B3GALNT1: variants seen among roughly 807,000 people sequenced by gnomAD.
B3GALNT1 encodes UDP-GalNAc:beta-1,3-N-acetylgalactosaminyltransferase 1.
In B3GALNT1, 17 loss-of-function variants were observed where a neutral mutation model predicts 27.3. The observed-to-expected ratio is 0.62, with a 90% confidence interval of 0.43 to 0.94. The LOEUF is 0.94. Ranked by LOEUF, B3GALNT1 falls within the 40% of genes least tolerant of loss-of-function variation. The pLI, the probability that B3GALNT1 is intolerant of heterozygous loss-of-function variation, is 0.00. For synonymous variants in B3GALNT1, 141 were observed against 144.0 expected, an observed-to-expected ratio of 0.98 and a Z score of 0.15; for missense variants, 347 against 390.0, an observed-to-expected ratio of 0.89 and a Z score of 0.93.
chr3:161,086,957 A>G (rs1722381980), intron 4 of B3GALNT1, among the ~76,000 whole-genome samples, 169 bp from the exon 5 acceptor site: 1 of 152,202 alleles, frequency 6.6e-6, no homozygotes, highest in South Asian at 2.1e-4. Flanking sequence ...ATAGAAACCA[A>G]TAACCAAAAA....
intron 4 of B3GALNT1, among the ~76,000 whole-genome samples, chr3:161,098,003 A>G (rs1483503863): frequency 6.6e-6 from 1 of 152,194 alleles, no homozygotes; most frequent in Non-Finnish European, 1.5e-5. Flanking sequence ...CTGTCAGGGT[A>G]AATAGGCTCA....
rs1273135029 is a variant in B3GALNT1 at position 161,085,879 on chromosome 3, T to C, written c.876A>G (p.Leu292=). Residue 292 remains leucine, a synonymous_variant, in exon 5 of 5, where the codon CTA becomes CTG. Coordinates refer to ENST00000320474, the MANE Select transcript of B3GALNT1 (RefSeq NM_003781.4). ...HIPEDTNLFF[L]YRIHLDVCQL... ...GACAGACATCCAAATGGATTCTATATAGAAAGAAAAGATTTGTGTCTTCTG... is the reference window on the plus strand; with the variant it reads ...GACAGACATCCAAATGGATTCTATACAGAAAGAAAAGATTTGTGTCTTCTG... The C allele has an allele frequency of 2.5e-6, 4 of 1,613,690 alleles. No individual in the cohort carries two copies. The highest frequency in any genetic ancestry group is 2.7e-5 in the African/African-American group (2 of 74,898).
intron 4 of B3GALNT1, among the ~76,000 whole-genome samples, chr3:161,097,077 C>T (rs972089425): frequency 6.6e-6 from 1 of 152,206 alleles, no homozygotes; most frequent in East Asian, 1.9e-4. Context: ...CAGGCCCCAC[C>T]CTAGACCTAG....
At chr3:161,089,006 C>A (rs576413001) in intron 4 of B3GALNT1, among the ~76,000 whole-genome samples, 1 of 152,180 alleles carries the variant, frequency 6.6e-6, no homozygotes, top group South Asian at 2.1e-4. Flanking sequence ...ACTATCTAGT[C>A]CAAAAGCAAG....
At chr3:161,097,372 A>C (rs1728758691) in intron 4 of B3GALNT1, among the ~76,000 whole-genome samples, 1 of 152,168 alleles carries the variant, frequency 6.6e-6, no homozygotes, top group African/African-American at 2.4e-5. Context: ...ATTTGTCTAC[A>C]TTTCCTTTAC....
Position 161,092,498 on chromosome 3 carries a change from G to A in B3GALNT1, c.-34-5710C>T, listed in dbSNP as rs1051830342. On this transcript the variant is annotated intron_variant, in intron 4 of 4. Transcript: ENST00000320474. ...ACACCTATCAGCAGGAAGAATGAAA[G>A]GAACATGTGGTTAAAGGGGGAAAAA... 4.6e-5 allele frequency among the ~76,000 whole-genome samples: 7 copies of A among 151,942 alleles called. No individual in the cohort carries two copies. In the East Asian group the frequency reaches 1.2e-3, roughly 25 times the overall value.
chr3:161,087,146 T>A (rs1184583608), intron 4 of B3GALNT1, among the ~76,000 whole-genome samples: 3 of 152,006 alleles, frequency 2.0e-5, no homozygotes, highest in African/African-American at 7.2e-5. Context: ...AAATCTACCA[T>A]AAAAACAAAT....
At chr3:161,093,240 TTC>T (rs1175540313) in intron 4 of B3GALNT1, among the ~76,000 whole-genome samples, 1 of 152,188 alleles carries the variant, frequency 6.6e-6, no homozygotes, top group Admixed American at 6.5e-5. Context: ...TATCCTGAAT[TTC>T]TGATTTGACC....
In B3GALNT1 at chr3:161,101,148, C is replaced by A; in HGVS notation, c.-44G>T. 1 of 1,289,702 alleles carries A rather than the reference C, an allele frequency of 7.8e-7. No homozygotes were observed. The highest frequency in any genetic ancestry group is 1.2e-5 in the South Asian group (1 of 81,010). The allele number at this position is 1,289,702 out of a possible 1,614,324, so 79.9% of individuals were successfully genotyped here. A position where few individuals can be genotyped will look rare whatever the true frequency, so the allele number is the denominator to read the frequency against. ...GCAGAAGCAGACACACCTTTACACT[C>A]GGGGTGAGTAGTCGGAGAGCACCAC... On this transcript the variant is annotated 5_prime_UTR_variant, in exon 4 of 5. Transcript: ENST00000320474.
chr3:161,101,304 T>C, intron 3 of B3GALNT1, 71 bp from the exon 4 acceptor site: 1 of 946,798 alleles, frequency 1.1e-6, no homozygotes, highest in Admixed American at 2.3e-5. Context: ...GGGCTTTCTG[T>C]GTCTGTTTTG....
chr3:161,102,031 AT>A (rs1390742294), intron 3 of B3GALNT1, among the ~76,000 whole-genome samples: 1 of 152,156 alleles, frequency 6.6e-6, no homozygotes, highest in African/African-American at 2.4e-5. Context: ...TTTAGCAGAA[AT>A]CCATGTTCTA....
intron 4 of B3GALNT1, among the ~76,000 whole-genome samples, chr3:161,087,297 A>G (rs1722549756): frequency 6.6e-6 from 1 of 152,216 alleles, no homozygotes; most frequent in Admixed American, 6.5e-5. Flanking sequence ...TCTGGATAAG[A>G]AAAACCCTAT....
chr3:161,102,479 C>T (rs1388757339), intron 3 of B3GALNT1, among the ~76,000 whole-genome samples: 6 of 152,176 alleles, frequency 3.9e-5, no homozygotes, highest in African/African-American at 1.4e-4. Flanking sequence ...ATTTCTAGCT[C>T]ATCCTCTCAT....
At chr3:161,100,525 T>G (rs1356677294) in intron 4 of B3GALNT1, among the ~76,000 whole-genome samples, 1 of 152,224 alleles carries the variant, frequency 6.6e-6, no homozygotes, top group Non-Finnish European at 1.5e-5. Flanking sequence ...ATAAGACATC[T>G]GAGTTTTTAA....
At chr3:161,097,314 T>C (rs1012993041) in intron 4 of B3GALNT1, among the ~76,000 whole-genome samples, 2 of 152,174 alleles carry the variant, frequency 1.3e-5, no homozygotes, top group South Asian at 2.1e-4. Flanking sequence ...GTAGATGGTA[T>C]TGCTGTTATT....
intron 4 of B3GALNT1, among the ~76,000 whole-genome samples, chr3:161,100,840 T>C (rs891138907): frequency 2.0e-5 from 3 of 152,284 alleles, no homozygotes; most frequent in Middle Eastern, 3.4e-3. Context: ...GCTGTTTTTT[T>C]TTTTAAAGGC....
At position 161,086,397 on chromosome 3, in the gene B3GALNT1, G is replaced by C. The variant is rs779951376; in HGVS notation, c.358C>G (p.Gln120Glu). ...ATTTTGTCTTCCTTTTCAGCCTCTT[G>C]GCCTAATAAGAAAAATGTAAGAACC... ...YEVLTFFLLG[Q>E]EAEKEDKMLA... The change falls in exon 5 of 5, where the codon CAA (glutamine) becomes GAA (glutamate). Residue 120 changes from glutamine (Q) to glutamate (E), a missense_variant. Coordinates refer to ENST00000320474, the MANE Select transcript of B3GALNT1 (RefSeq NM_003781.4). 7.4e-6 allele frequency: 12 copies of C among 1,613,798 alleles called. No individual in the cohort carries two copies. The African/African-American group carries it at 1.6e-4, about 22-fold the overall frequency.
chr3:161,086,474 C>A lies in B3GALNT1; in HGVS notation c.281G>T (p.Arg94Met). ...VTSHPSDVKA[R>M]QAIRVTWGEK... is the part of the protein sequence containing the mutation. ...ACCCCAAGTAACTCTAATGGCCTGCCTGGCTTTCACATCTGAAGGGTGGGA... is the reference window on the plus strand; with the variant it reads ...ACCCCAAGTAACTCTAATGGCCTGCATGGCTTTCACATCTGAAGGGTGGGA... Residue 94 changes from arginine to methionine, a missense_variant, in exon 5 of 5, where the codon AGG (arginine) becomes ATG (methionine). Arg to Met is a moderately conservative substitution (Grantham distance 91). Coordinates refer to ENST00000320474, the MANE Select transcript of B3GALNT1 (RefSeq NM_003781.4). 1 of 1,614,066 alleles carries A rather than the reference C, an allele frequency of 6.2e-7. No individual in the cohort carries two copies. The highest frequency in any genetic ancestry group is 8.5e-7 in the Non-Finnish European group (1 of 1,180,040).
intron 3 of B3GALNT1, among the ~76,000 whole-genome samples, chr3:161,102,045 C>T (rs1731584016): frequency 6.6e-6 from 1 of 152,094 alleles, no homozygotes; most frequent in Admixed American, 6.6e-5. Context: ...ATGTTCTATC[C>T]CAGAAGCGGG....
Sources: gnomAD v4.1 joint callset for allele counts (sites outside exome capture counted in the v4.1 genomes callset) on GRCh38, gnomAD v4.1.1 for gene constraint, MANE v1.5 for transcripts, NCBI Gene and HGNC (gene_info 2026-07-23, HGNC 2026-07-21) for gene names.